Variants in MAPKAP1 observed in about 807,000 individuals in gnomAD.
The protein encoded by MAPKAP1 is MAPK associated protein 1, also known as target of rapamycin complex 2 subunit MAPKAP1.
MAPKAP1 carries 20 observed loss-of-function variants against 65.7 expected under a neutral mutation model. That is an observed-to-expected ratio of 0.30 (90% CI 0.21 to 0.44). MAPKAP1 has a LOEUF of 0.44. Among genes scored for constraint, MAPKAP1 ranks in the 20% least tolerant of loss-of-function variants. The pLI, the probability that MAPKAP1 is intolerant of heterozygous loss-of-function variation, is 1.00. For synonymous variants in MAPKAP1, 222 were observed against 244.3 expected (o/e 0.91, Z 0.85); for missense variants, 423 against 648.0 (o/e 0.65, Z 3.77).
In MAPKAP1 at chr9:125,447,430, T is replaced by G; in HGVS notation, c.1346-2832A>C. ...AGTTAATCACTGGGCCGAGGCACGG[T>G]GGACAGCCACAGCAGACAGCCCCCT... On this transcript the variant is annotated intron_variant, in intron 10 of 11. Transcript: ENST00000265960. This position sits in a 1 kb window ranked among gnomAD's most constrained non-coding sequence, Gnocchi z 4.5. 2.2e-6 allele frequency: 1 copy of G among 456,524 alleles called. No individual in the cohort carries two copies. The highest frequency in any genetic ancestry group is 4.4e-6 in the Non-Finnish European group (1 of 226,934). 28.3% of individuals were successfully genotyped at this position (456,524 alleles called of 1,614,324 possible).
At chr9:125,651,424 G>A (rs1833890056) in intron 4 of MAPKAP1, among the ~76,000 whole-genome samples, 2 of 151,962 alleles carry the variant, frequency 1.3e-5, no homozygotes, top group African/African-American at 2.4e-5. Flanking sequence ...GGCCAACATG[G>A]TGAAACCCCA....
intron 5 of MAPKAP1, among the ~76,000 whole-genome samples, chr9:125,567,108 T>C (rs1831081388): frequency 6.6e-6 from 1 of 152,212 alleles, no homozygotes; most frequent in Non-Finnish European, 1.5e-5. Context: ...CAAGTCCTTG[T>C]GAATTCCATT....
chr9:125,579,416 C>T (rs1278800304), intron 5 of MAPKAP1, among the ~76,000 whole-genome samples: 2 of 152,278 alleles, frequency 1.3e-5, no homozygotes, highest in Middle Eastern at 3.4e-3. Context: ...CTCGGACTCC[C>T]GAGTAGCTGG....
intron 1 of MAPKAP1, among the ~76,000 whole-genome samples, chr9:125,704,994 A>G (rs1415647849): frequency 6.6e-6 from 1 of 152,176 alleles, no homozygotes; most frequent in East Asian, 1.9e-4. Context: ...CAGGAATTGA[A>G]TCCAGAGTCC....
intron 9 of MAPKAP1, among the ~76,000 whole-genome samples, chr9:125,477,070 T>C (rs2133014201): frequency 6.6e-6 from 1 of 152,348 alleles, no homozygotes; most frequent in African/African-American, 2.4e-5. Context: ...TTATACATAC[T>C]GGACAGTTTT....
chr9:125,637,057 C>T (rs1589367884), intron 4 of MAPKAP1, among the ~76,000 whole-genome samples: 1 of 152,128 alleles, frequency 6.6e-6, no homozygotes, highest in East Asian at 1.9e-4. Flanking sequence ...TCACTTGAGG[C>T]CAGAAGTTTG....
At chr9:125,461,440 C>A (rs879828803) in intron 10 of MAPKAP1, among the ~76,000 whole-genome samples, 1 of 152,174 alleles carries the variant, frequency 6.6e-6, no homozygotes, top group African/African-American at 2.4e-5. Context: ...GAAAGGCGAG[C>A]CTTGTAAATG....
In MAPKAP1 at chr9:125,635,770, G is replaced by C. The variant is rs151028697; in HGVS notation, c.498+21881C>G. Among the ~76,000 whole-genome samples the C allele has an allele frequency of 7.2e-5, 11 of 152,212 alleles. No homozygotes were observed. The East Asian group carries it at 2.1e-3, about 29-fold the overall frequency. ...ACAATCATGAAATTCTGATTTTTAAGGTAAGTCTTTATACAGAAATTTCTT... is the reference window on the plus strand; with the variant it reads ...ACAATCATGAAATTCTGATTTTTAACGTAAGTCTTTATACAGAAATTTCTT... On this transcript the variant is annotated intron_variant, in intron 4 of 11. Transcript: ENST00000265960.
rs569899722 is a variant in MAPKAP1, at chr9:125,693,492, T to C, written c.-70+13479A>G. 1.0e-2 allele frequency among the ~76,000 whole-genome samples: 1,467 copies of C among 147,224 alleles called. 17 individuals carry two copies. The highest frequency in any genetic ancestry group is 0.035 in the African/African-American group (1,388 of 39,830). ...ATATACACACACATATACACATATA[T>C]ACACACATATATACACATACACACA... is the stretch of plus-strand genomic sequence containing the variant. On this transcript the variant is annotated intron_variant, in intron 1 of 11. Coordinates refer to ENST00000265960, the MANE Select transcript of MAPKAP1 (RefSeq NM_001006617.3).
At chr9:125,637,365 CAA>C (rs1328452363) in intron 4 of MAPKAP1, among the ~76,000 whole-genome samples, 2 of 151,820 alleles carry the variant, frequency 1.3e-5, no homozygotes, top group Non-Finnish European at 2.9e-5. Flanking sequence ...GTTCAAGTAT[CAA>C]AGTGCTAAAG....
chr9:125,537,605 C>T lies in MAPKAP1; in HGVS notation c.958+5454G>A, dbSNP rs550783781. On this transcript the variant is annotated intron_variant, in intron 7 of 11. Coordinates refer to ENST00000265960, the MANE Select transcript of MAPKAP1 (RefSeq NM_001006617.3). The stretch of plus-strand genomic sequence containing the variant: ...TAACCAATCCTCCCACATCAGCCTC[C>T]CCAGTCACTGGGACTACACGCATGT... Among the ~76,000 whole-genome samples the T allele has an allele frequency of 6.6e-5, 10 of 152,286 alleles. No homozygotes were observed. The East Asian group carries it at 1.9e-3, about 29-fold the overall frequency.
chr9:125,440,761 A>C (rs542527603), intron 11 of MAPKAP1, among the ~76,000 whole-genome samples: 1 of 152,344 alleles, frequency 6.6e-6, no homozygotes, highest in East Asian at 1.9e-4. Flanking sequence ...GAGAGCAATA[A>C]ATCATGAGGA....
intron 4 of MAPKAP1, among the ~76,000 whole-genome samples, chr9:125,629,730 T>C (rs1833221698): frequency 6.6e-6 from 1 of 152,190 alleles, no homozygotes; most frequent in South Asian, 2.1e-4. Flanking sequence ...CACTTAACAT[T>C]GGTTAAGATG....
intron 1 of MAPKAP1, among the ~76,000 whole-genome samples, chr9:125,683,253 T>C (rs1292924964): frequency 4.6e-5 from 7 of 152,130 alleles, no homozygotes; most frequent in Non-Finnish European, 1.0e-4. Flanking sequence ...CCACTGCGCC[T>C]GGCTTAAATT....
chr9:125,640,021 G>A (rs1039045587), intron 4 of MAPKAP1, among the ~76,000 whole-genome samples: 4 of 152,114 alleles, frequency 2.6e-5, no homozygotes, highest in East Asian at 1.9e-4. Context: ...CATAGTACTC[G>A]CTAACTTCTC....
intron 3 of MAPKAP1, among the ~76,000 whole-genome samples, chr9:125,666,000 G>A (rs184095531): frequency 2.6e-5 from 4 of 152,306 alleles, no homozygotes; most frequent in Admixed American, 1.3e-4. Flanking sequence ...AGGCACACAG[G>A]AGTTATGAAA....
At chr9:125,676,549 T>TTA (rs3051239) in intron 1 of MAPKAP1, among the ~76,000 whole-genome samples, 137,862 of 152,108 alleles carry the variant, frequency 0.91, 63,899 homozygotes, top group East Asian at 1. Flanking sequence ...ATGATTCCAT[T>TTA]TATGAGGTAC....
At chr9:125,449,464 T>G (rs914663809) in intron 10 of MAPKAP1, among the ~76,000 whole-genome samples, 3 of 152,138 alleles carry the variant, frequency 2.0e-5, no homozygotes, top group African/African-American at 7.2e-5. Flanking sequence ...GTAAATAAAA[T>G]GCAATATAAG....
intron 9 of MAPKAP1, among the ~76,000 whole-genome samples, chr9:125,475,996 T>G (rs1854095163): frequency 6.6e-6 from 1 of 152,192 alleles, no homozygotes; most frequent in Admixed American, 6.5e-5. Flanking sequence ...CTTCTCAACT[T>G]CTTCCAATTC....
Sources: gnomAD v4.1 joint callset for allele counts (sites outside exome capture counted in the v4.1 genomes callset) on GRCh38, gnomAD v4.1.1 for gene constraint, Gnocchi (gnomAD v3.1) non-coding constraint, MANE v1.5 for transcripts, NCBI Gene and HGNC (gene_info 2026-07-23, HGNC 2026-07-21) for gene names.